The following USP45 variants were observed in gnomAD, a reference collection of about 807,000 sequenced individuals.
USP45 encodes the protein ubiquitin carboxyl-terminal hydrolase 45.
A neutral mutation model predicts 95.8 loss-of-function variants in USP45; 89 were observed. The ratio of observed to expected loss-of-function variants is 0.93; its 90% confidence interval spans 0.78 to 1.11. USP45 has a LOEUF of 1.11. Among genes scored for constraint, USP45 ranks in the 50% least tolerant of loss-of-function variants. USP45 has a pLI of 0.00. For synonymous variants in USP45, 281 were observed against 316.2 expected, an observed-to-expected ratio of 0.89 and a Z score of 1.18; for missense variants, 898 against 942.5, an observed-to-expected ratio of 0.95 and a Z score of 0.62.
intron 5 of USP45, among the ~76,000 whole-genome samples, chr6:99,497,337 G>A (rs780492523): frequency 6.6e-6 from 1 of 151,982 alleles, no homozygotes; most frequent in Non-Finnish European, 1.5e-5. Flanking sequence ...CATTCTTCTG[G>A]GAACCTGAGC....
intron 11 of USP45, among the ~76,000 whole-genome samples, chr6:99,466,065 A>T (rs1422939258): frequency 2.6e-5 from 4 of 151,700 alleles, no homozygotes; most frequent in Non-Finnish European, 5.9e-5. Flanking sequence ...CACCCAGGCT[A>T]TAGTGCAGTA....
At chr6:99,444,406 G>C (rs1031191926) in intron 14 of USP45, among the ~76,000 whole-genome samples, 9 of 152,110 alleles carry the variant, frequency 5.9e-5, no homozygotes, top group African/African-American at 2.2e-4. Flanking sequence ...TTTATTACTA[G>C]TGTATTAAGT....
chr6:99,456,134 G>GAAA (rs71021737), intron 13 of USP45, among the ~76,000 whole-genome samples: 6 of 89,528 alleles, frequency 6.7e-5, no homozygotes, highest in African/African-American at 9.2e-5. Context: ...CTCTGTCTCG[G>GAAA]AAAAAAAAAA....
At chr6:99,441,729 G>C (rs1230351423) in intron 15 of USP45, among the ~76,000 whole-genome samples, 1 of 152,048 alleles carries the variant, frequency 6.6e-6, no homozygotes, top group Non-Finnish European at 1.5e-5. Context: ...CCTTTCTTTT[G>C]CTGGGAAGGA....
chr6:99,490,886 T>C (rs549241542), intron 5 of USP45, among the ~76,000 whole-genome samples: 3 of 152,344 alleles, frequency 2.0e-5, no homozygotes, highest in South Asian at 2.1e-4. Flanking sequence ...GTTTCTTTCA[T>C]TAAGCAAACC....
intron 7 of USP45, 135 bp from the exon 8 acceptor site, chr6:99,483,018 TAAATA>T (rs1044924230): frequency 5.9e-6 from 4 of 682,804 alleles, no homozygotes; most frequent in African/African-American, 1.9e-5. Flanking sequence ...TATTATTTCA[TAAATA>T]AAATATATAA....
intron 4 of USP45, among the ~76,000 whole-genome samples, chr6:99,506,381 C>T (rs1196127208): frequency 6.6e-6 from 1 of 152,136 alleles, no homozygotes; most frequent in African/African-American, 2.4e-5. Flanking sequence ...GGCTGGAGTG[C>T]AGTGGCAACC....
intron 13 of USP45, among the ~76,000 whole-genome samples, chr6:99,464,019 G>A (rs1217552688): frequency 1.3e-5 from 2 of 151,676 alleles, no homozygotes; most frequent in African/African-American, 2.4e-5. Context: ...AGTATCCCTC[G>A]GTTAGTGCTG....
rs1487508798 is a variant in USP45, at chr6:99,482,838, C to T, written c.760G>A (p.Ala254Thr). 6.2e-7 allele frequency: 1 copy of T among 1,605,072 alleles called. No individual in the cohort carries two copies. Among genetic ancestry groups the T allele is most frequent in the South Asian group, 1.1e-5 (1 of 88,738 alleles). The change falls in exon 8 of 18, where the codon GCC (alanine) becomes ACC (threonine). Residue 254 changes from alanine to threonine, a missense_variant. Coordinates refer to ENST00000500704, the MANE Select transcript of USP45 (RefSeq NM_001346022.3). ...ELSRPGPLTSALFLFLHSMKE... is the reference protein window; with the variant it reads ...ELSRPGPLTSTLFLFLHSMKE... ...ATGCTGTGAAGAAACAGGAACAAGGCTGAGGTCAGTGGTCCAGGCCTTGAA... is the reference window on the plus strand; with the variant it reads ...ATGCTGTGAAGAAACAGGAACAAGGTTGAGGTCAGTGGTCCAGGCCTTGAA...
chr6:99,478,220 G>GTTTTTTTTTTTTTTTT (rs71021740), intron 8 of USP45, among the ~76,000 whole-genome samples: 1 of 99,456 alleles, frequency 1.0e-5, no homozygotes, highest in Non-Finnish European at 1.9e-5. Flanking sequence ...ACTTAGATTT[G>GTTTTTTTTTTTTTTTT]TTTTTTTTTT....
chr6:99,511,777 C>T (rs1284875169), intron 1 of USP45, among the ~76,000 whole-genome samples: 1 of 148,800 alleles, frequency 6.7e-6, no homozygotes, highest in African/African-American at 2.5e-5. Flanking sequence ...TAACAATTAG[C>T]TATGTTTGTT....
chr6:99,515,020 TAG>T (rs1472276510), intron 1 of USP45: 1 of 152,178 alleles, frequency 6.6e-6, no homozygotes, highest in East Asian at 1.9e-4. Context: ...GAAAAGTCAT[TAG>T]ACAGGCTTCC....
rs773567444 is a variant in USP45 at position 99,468,615 on chromosome 6, T to A, written c.937A>T (p.Ile313Leu). ...AATGCTTTTAGAATGCTAGCTTGTA[T>A]TCGCTGTAAAACAAAGTTAATAGAT... ...DAVRTEETKRIQASILKAFNN... is the reference protein window; with the variant it reads ...DAVRTEETKRLQASILKAFNN... The change falls in exon 10 of 18, where the codon ATA becomes TTA. Residue 313 changes from isoleucine to leucine, a missense_variant. Transcript: ENST00000500704. 6.2e-7 allele frequency: 1 copy of A among 1,600,900 alleles called. No homozygotes were observed. The highest frequency in any genetic ancestry group is 1.1e-5 in the South Asian group (1 of 89,612).
chr6:99,459,594 T>A (rs1785915965), intron 13 of USP45, among the ~76,000 whole-genome samples: 3 of 152,212 alleles, frequency 2.0e-5, no homozygotes, highest in Admixed American at 2.0e-4. Context: ...TAATTTATAC[T>A]TCTACCAACA....
At chr6:99,512,912 C>T (rs1446484326) in intron 1 of USP45, among the ~76,000 whole-genome samples, 3 of 152,176 alleles carry the variant, frequency 2.0e-5, no homozygotes, top group Admixed American at 2.0e-4. Context: ...TTCCAACTTG[C>T]CTGATCAGCC....
rs185286287 is a variant in USP45 at position 99,495,877 on chromosome 6, C to G, written c.479-7057G>C. ...CCCACTGCATGCAATTAACATCTCCCTATGTATCTGGAAGGATACTAGTTA... is the reference window on the plus strand; with the variant it reads ...CCCACTGCATGCAATTAACATCTCCGTATGTATCTGGAAGGATACTAGTTA... On this transcript the variant is annotated intron_variant, in intron 5 of 17. Transcript: ENST00000500704. Among the ~76,000 whole-genome samples, 12 of 152,216 alleles carry G rather than the reference C, an allele frequency of 7.9e-5. No individual in the cohort carries two copies. In the East Asian group the frequency reaches 2.3e-3, roughly 29 times the overall value.
chr6:99,453,157 C>T (rs1268803572), intron 13 of USP45, among the ~76,000 whole-genome samples: 1 of 115,786 alleles, frequency 8.6e-6, no homozygotes, highest in Non-Finnish European at 1.7e-5. Context: ...GCACATGTAC[C>T]CTAGAACTTA....
chr6:99,515,538 G>C (rs1210522470), upstream of USP45: 1 of 152,270 alleles, frequency 6.6e-6, no homozygotes, highest in Non-Finnish European at 1.5e-5. Context: ...CCGGGAGCGC[G>C]GGGAGGGGTG....
In USP45 at chr6:99,451,907, C is replaced by A. The variant is rs574376982; in HGVS notation, c.1309-5444G>T. On this transcript the variant is annotated intron_variant, in intron 13 of 17. Coordinates refer to ENST00000500704, the MANE Select transcript of USP45 (RefSeq NM_001346022.3). ...TACAACCATCTGATCTTTGACAAAC[C>A]TGAGAAAAACAAGCAATGGGGAAAG... Among the ~76,000 whole-genome samples, 66 of 152,190 alleles carry A rather than the reference C, an allele frequency of 4.3e-4. 1 individual carries two copies. The South Asian group carries it at 0.014, about 32-fold the overall frequency.
Sources: allele counts gnomAD v4.1 joint callset (sites outside exome capture counted in the v4.1 genomes callset), GRCh38; gene constraint gnomAD v4.1.1; transcripts MANE v1.5; gene names NCBI Gene and HGNC (gene_info 2026-07-23, HGNC 2026-07-21).